Variants in EBF2 observed in about 807,000 individuals in gnomAD.
EBF2 encodes the protein transcription factor COE2.
A neutral mutation model predicts 72.8 loss-of-function variants in EBF2; 21 were observed. The ratio of observed to expected loss-of-function variants is 0.29; its 90% CI spans 0.20 to 0.42. The LOEUF (loss-of-function observed/expected upper bound fraction) is 0.42, where lower values mean the gene tolerates loss of function less well. Among genes scored for constraint, EBF2 ranks in the 10% least tolerant of loss-of-function variants. The pLI is 1.00. For synonymous variants in EBF2, 299 were observed against 274.2 expected, an observed-to-expected ratio of 1.09 and a Z score of -0.89; for missense variants, 637 against 731.2, an observed-to-expected ratio of 0.87 and a Z score of 1.49.
At chr8:25,982,946 A>G (rs1450681655) in intron 6 of EBF2, among the ~76,000 whole-genome samples, 4 of 151,610 alleles carry the variant, frequency 2.6e-5, no homozygotes, top group African/African-American at 9.7e-5. Flanking sequence ...TTCTATGTAT[A>G]AGGCTTATAT....
chr8:25,872,398 C>T (rs1186697444), intron 10 of EBF2, among the ~76,000 whole-genome samples: 2 of 152,158 alleles, frequency 1.3e-5, no homozygotes, highest in Non-Finnish European at 2.9e-5. Context: ...GCTTTACTCA[C>T]CAGTGAGTCT....
chr8:25,980,455 A>G (rs962968241), intron 6 of EBF2, among the ~76,000 whole-genome samples: 1 of 152,196 alleles, frequency 6.6e-6, no homozygotes, highest in Non-Finnish European at 1.5e-5. Flanking sequence ...AGAAAAAAGA[A>G]AGATCAAAAA....
At chr8:25,925,567 C>T (rs17054624) in intron 6 of EBF2, among the ~76,000 whole-genome samples, 4,306 of 152,284 alleles carry the variant, frequency 0.028, 244 homozygotes, top group African/African-American at 0.099. Flanking sequence ...TTCAGCCAAT[C>T]GTCATGAATG....
chr8:25,891,021 C>A (rs1454014805), intron 7 of EBF2, among the ~76,000 whole-genome samples: 3 of 152,186 alleles, frequency 2.0e-5, no homozygotes, highest in Non-Finnish European at 4.4e-5. Context: ...CAGAGGTTCT[C>A]CCATGGTCTA....
At chr8:25,895,688 T>G (rs1483842491) in intron 7 of EBF2, among the ~76,000 whole-genome samples, 1 of 152,198 alleles carries the variant, frequency 6.6e-6, no homozygotes, top group Non-Finnish European at 1.5e-5. Context: ...GGAGCTGAGT[T>G]GTAAAGGAGC....
chr8:25,917,635 C>G (rs1159662512), intron 6 of EBF2, among the ~76,000 whole-genome samples: 1 of 152,168 alleles, frequency 6.6e-6, no homozygotes, highest in African/African-American at 2.4e-5. Flanking sequence ...AATCAGAATA[C>G]AAATCTATTT....
chr8:25,996,200 T>C (rs1222166121), intron 6 of EBF2, among the ~76,000 whole-genome samples: 2 of 147,744 alleles, frequency 1.4e-5, no homozygotes, highest in African/African-American at 5.1e-5. Context: ...AAGGCTGCAG[T>C]GGGAGGATGG....
chr8:25,974,469 T>A (rs1804236151), intron 6 of EBF2, among the ~76,000 whole-genome samples: 2 of 152,236 alleles, frequency 1.3e-5, no homozygotes, highest in African/African-American at 4.8e-5. Flanking sequence ...AAAACTTCTA[T>A]CCTTTTACCT....
chr8:25,947,710 G>A (rs1468784241), intron 6 of EBF2, among the ~76,000 whole-genome samples: 1 of 152,188 alleles, frequency 6.6e-6, no homozygotes, highest in African/African-American at 2.4e-5. Context: ...TCTTGCACAT[G>A]CACAAGGAGA....
intron 5 of EBF2, among the ~76,000 whole-genome samples, chr8:26,038,412 T>A (rs1046036638): frequency 6.6e-6 from 1 of 152,170 alleles, no homozygotes; most frequent in African/African-American, 2.4e-5. Context: ...TGAGGAGGAT[T>A]TGATTGGGCT....
intron 6 of EBF2, among the ~76,000 whole-genome samples, chr8:26,011,808 T>C (rs577186902): frequency 6.6e-6 from 1 of 152,056 alleles, no homozygotes; most frequent in South Asian, 2.1e-4. Context: ...TTGAACTTTT[T>C]TTTAAAAAAA....
chr8:25,930,901 C>A (rs1803468821), intron 6 of EBF2, among the ~76,000 whole-genome samples: 1 of 152,120 alleles, frequency 6.6e-6, no homozygotes, highest in African/African-American at 2.4e-5. Context: ...ATCCAGCAAT[C>A]CCCCTCTATC....
At chr8:25,909,608 A>T (rs1257996037) in intron 6 of EBF2, among the ~76,000 whole-genome samples, 1 of 152,216 alleles carries the variant, frequency 6.6e-6, no homozygotes, top group East Asian at 1.9e-4. Flanking sequence ...AGTAGAAATC[A>T]ACAATGCTTC....
intron 6 of EBF2, among the ~76,000 whole-genome samples, chr8:26,011,895 C>T (rs1394785580): frequency 6.6e-6 from 1 of 151,946 alleles, no homozygotes; most frequent in South Asian, 2.1e-4. Context: ...AATGGATGCC[C>T]GGGCAAGCGT....
At chr8:25,991,383 C>T (rs1472465403) in intron 6 of EBF2, among the ~76,000 whole-genome samples, 1 of 152,170 alleles carries the variant, frequency 6.6e-6, no homozygotes, top group Non-Finnish European at 1.5e-5. Flanking sequence ...AGAACCACCA[C>T]CTATTGAGGC....
rs150696730 is a variant in EBF2 at position 26,014,651 on chromosome 8, T to C, written c.551+18434A>G. 2.0e-4 allele frequency among the ~76,000 whole-genome samples: 30 copies of C among 152,358 alleles called. No individual in the cohort carries two copies. In the East Asian group the frequency reaches 5.2e-3, roughly 26 times the overall value. On this transcript the variant is annotated intron_variant, in intron 6 of 15. Transcript: ENST00000520164. ...ACCCAAAGCAAGCAAGGAGAGGACC[T>C]TGTCATGATCCCAGCATAGAAAATG...
chr8:25,959,480 C>T (rs1277122645), intron 6 of EBF2, among the ~76,000 whole-genome samples: 2 of 152,366 alleles, frequency 1.3e-5, no homozygotes, highest in African/African-American at 4.8e-5. Flanking sequence ...GCTGGGATTA[C>T]AGGCATGAGC....
chr8:26,017,137 C>T (rs1005821711), intron 6 of EBF2, among the ~76,000 whole-genome samples: 2 of 148,758 alleles, frequency 1.3e-5, no homozygotes, highest in Admixed American at 6.7e-5. Flanking sequence ...TGTGTTTTGC[C>T]ATGCAGTCCC....
chr8:26,044,656 G>A lies in EBF2; in HGVS notation c.131+73C>T. 5.1e-6 allele frequency: 4 copies of A among 780,818 alleles called. No homozygotes were observed. Among genetic ancestry groups the A allele is most frequent in the South Asian group, 2.2e-5 (1 of 46,092 alleles). 48.4% of individuals were successfully genotyped at this position (780,818 alleles called of 1,614,324 possible). ...GGAGAGAGAAAGGCACGGGGTGCGC[G>A]GGGGGGGTGCACACGGAGAGACAGA... On this transcript the variant is annotated intron_variant, in intron 1 of 15. Transcript: ENST00000520164. The surrounding 1 kb of genome is among the most constrained non-coding windows in gnomAD (Gnocchi z 4.1).
Sources: gnomAD v4.1 joint callset for allele counts (sites outside exome capture counted in the v4.1 genomes callset) on GRCh38, gnomAD v4.1.1 for gene constraint, Gnocchi (gnomAD v3.1) non-coding constraint, MANE v1.5 for transcripts, NCBI Gene and HGNC (gene_info 2026-07-23, HGNC 2026-07-21) for gene names.